SOBP: variants seen among roughly 807,000 people sequenced by gnomAD.
SOBP encodes the protein sine oculis binding protein homolog.
In SOBP, 4 loss-of-function variants were observed where a neutral mutation model predicts 53.6. The observed-to-expected ratio is 0.07, with a 90% confidence interval of 0.04 to 0.17. The LOEUF is 0.17. SOBP is among the 10% of genes least tolerant of loss of function. SOBP has a pLI of 1.00. For synonymous variants in SOBP, 584 were observed against 522.6 expected (o/e 1.12, Z -1.60); for missense variants, 1,088 against 1,204.7 (o/e 0.90, Z 1.43).
At chr6:107,522,445 A>G (rs1174754664) in intron 3 of SOBP, among the ~76,000 whole-genome samples, 1 of 152,042 alleles carries the variant, frequency 6.6e-6, no homozygotes, top group Non-Finnish European at 1.5e-5. Context: ...AACAAACTCC[A>G]TGAAGATAAG....
At chr6:107,565,078 CTTTGG>C (rs909187871) in intron 4 of SOBP, among the ~76,000 whole-genome samples, 12 of 152,278 alleles carry the variant, frequency 7.9e-5, no homozygotes, top group African/African-American at 2.9e-4. Context: ...GATGTTTTTC[CTTTGG>C]TTTGGAGTGT....
At chr6:107,529,746 T>G (rs1016589941) in intron 3 of SOBP, 1 of 309,082 alleles carries the variant, frequency 3.2e-6, no homozygotes, top group African/African-American at 2.3e-5. Flanking sequence ...CAGAAATGCT[T>G]GATCTCATAC....
chr6:107,657,834 C>A lies in SOBP; in HGVS notation c.*4-373C>A, dbSNP rs146204865. ...CCAGCTTGGGCAACAGAGCGAGACC[C>A]TGTCTCAAAAAAAAAAAAAAGCCTC... On this transcript the variant is annotated intron_variant, in intron 6 of 6. Coordinates refer to ENST00000317357, the MANE Select transcript of SOBP (RefSeq NM_018013.4). Among the ~76,000 whole-genome samples, 9 of 149,526 alleles carry A rather than the reference C, an allele frequency of 6.0e-5. No individual in the cohort carries two copies. The South Asian group carries it at 1.5e-3, about 25-fold the overall frequency.
At chr6:107,561,804 A>G (rs1306930153) in intron 4 of SOBP, among the ~76,000 whole-genome samples, 1 of 152,164 alleles carries the variant, frequency 6.6e-6, no homozygotes, top group Non-Finnish European at 1.5e-5. Context: ...GGGCTGTTTC[A>G]TTTACTGGGG....
At position 107,597,124 on chromosome 6, in the gene SOBP, C is replaced by T. The variant is rs145580573; in HGVS notation, c.669+9949C>T. On this transcript the variant is annotated intron_variant, in intron 5 of 6. Coordinates refer to ENST00000317357, the MANE Select transcript of SOBP (RefSeq NM_018013.4). ...GTGAACAGGGAGGGGAAAAGAAACA[C>T]GTGAACATTTTTAAATGGCAAAACC... Among the ~76,000 whole-genome samples, 8 of 152,146 alleles carry T rather than the reference C, an allele frequency of 5.3e-5. No individual in the cohort carries two copies. The East Asian group carries it at 9.7e-4, about 18-fold the overall frequency.
intron 4 of SOBP, among the ~76,000 whole-genome samples, chr6:107,554,653 G>C (rs1279764744): frequency 6.6e-6 from 1 of 152,166 alleles, no homozygotes; most frequent in Non-Finnish European, 1.5e-5. Context: ...CAGAAGTCTA[G>C]AACACAAAGG....
intron 4 of SOBP, among the ~76,000 whole-genome samples, chr6:107,568,984 A>G (rs889704345): frequency 6.6e-6 from 1 of 152,232 alleles, no homozygotes; most frequent in Non-Finnish European, 1.5e-5. Context: ...GTGAGAAAGA[A>G]TTTTTATACC....
chr6:107,653,465 G>A (rs1316482997), intron 6 of SOBP, among the ~76,000 whole-genome samples: 2 of 152,238 alleles, frequency 1.3e-5, no homozygotes, highest in Admixed American at 6.5e-5. Flanking sequence ...ACGTGCCCGA[G>A]TGAGTGGATC....
intron 3 of SOBP, among the ~76,000 whole-genome samples, chr6:107,506,959 G>A (rs1341087515): frequency 6.6e-6 from 1 of 151,870 alleles, no homozygotes; most frequent in Non-Finnish European, 1.5e-5. Flanking sequence ...CCACCTACTC[G>A]GGAGGCCGAG....
At chr6:107,599,545 AC>A (rs553582871) in intron 5 of SOBP, among the ~76,000 whole-genome samples, 259 of 151,694 alleles carry the variant, frequency 1.7e-3, no homozygotes, top group African/African-American at 6.1e-3. Context: ...ATCAAAAAAA[AC>A]ATTTTATTTA....
At chr6:107,616,542 T>C (rs950745028) in intron 5 of SOBP, among the ~76,000 whole-genome samples, 9 of 152,212 alleles carry the variant, frequency 5.9e-5, no homozygotes, top group African/African-American at 2.2e-4. Flanking sequence ...CCTTGTAATT[T>C]TCCACTTTGA....
chr6:107,563,989 C>G (rs1784845997), intron 4 of SOBP, among the ~76,000 whole-genome samples: 1 of 152,170 alleles, frequency 6.6e-6, no homozygotes, highest in South Asian at 2.1e-4. Context: ...TTGTACAGCT[C>G]TACTTAGTGA....
At chr6:107,638,662 G>A (rs1253013867) in intron 6 of SOBP, among the ~76,000 whole-genome samples, 1 of 152,202 alleles carries the variant, frequency 6.6e-6, no homozygotes, top group Non-Finnish European at 1.5e-5. Context: ...CTGGTGACAA[G>A]TTAAAAGCCA....
intron 5 of SOBP, among the ~76,000 whole-genome samples, chr6:107,607,182 G>A (rs2818256): frequency 0.034 from 5,164 of 152,182 alleles, 324 homozygotes; most frequent in African/African-American, 0.12. Flanking sequence ...GAGAGGACTT[G>A]GGGCTCCAGC....
At chr6:107,517,755 A>G (rs1783363118) in intron 3 of SOBP, among the ~76,000 whole-genome samples, 1 of 152,258 alleles carries the variant, frequency 6.6e-6, no homozygotes, top group South Asian at 2.1e-4. Context: ...AGGTAAAACA[A>G]TAGAGCTTCT....
At chr6:107,538,065 C>T (rs1045261218) in intron 4 of SOBP, among the ~76,000 whole-genome samples, 4 of 152,142 alleles carry the variant, frequency 2.6e-5, no homozygotes, top group African/African-American at 7.2e-5. Context: ...ATTTCTTTTA[C>T]TTTCAGACTA....
intron 5 of SOBP, among the ~76,000 whole-genome samples, chr6:107,623,703 T>C (rs1440995460): frequency 6.6e-6 from 1 of 152,216 alleles, no homozygotes. Context: ...TTCTGATTTC[T>C]GAAACTCTAG....
chr6:107,533,855 T>C (rs1656912804), intron 4 of SOBP, among the ~76,000 whole-genome samples: 1 of 152,232 alleles, frequency 6.6e-6, no homozygotes, highest in African/African-American at 2.4e-5. Flanking sequence ...GAGGACACTG[T>C]GATCACAGCT....
chr6:107,525,761 T>C (rs1335059636), intron 3 of SOBP, among the ~76,000 whole-genome samples: 1 of 152,204 alleles, frequency 6.6e-6, no homozygotes, highest in South Asian at 2.1e-4. Flanking sequence ...TATTCCTTCA[T>C]GTAGCATGAG....
Sources: gnomAD v4.1 joint callset for allele counts (sites outside exome capture counted in the v4.1 genomes callset) on GRCh38, gnomAD v4.1.1 for gene constraint, MANE v1.5 for transcripts, NCBI Gene and HGNC (gene_info 2026-07-23, HGNC 2026-07-21) for gene names.